Variants in SPOCK1 observed in about 807,000 individuals in gnomAD.
SPOCK1 encodes testican-1.
Under a neutral mutation model 55.3 loss-of-function variants are expected in SPOCK1, and 23 were observed. The ratio of observed to expected loss-of-function variants is 0.42; its 90% CI spans 0.30 to 0.59. The LOEUF (loss-of-function observed/expected upper bound fraction) is 0.59. Among genes scored for constraint, SPOCK1 ranks in the 20% least tolerant of loss-of-function variants. The probability of loss-of-function intolerance (pLI) is 0.22; values close to 1 mark genes in which losing one functional copy is unlikely to be tolerated. For missense variants in SPOCK1, 499 were observed against 552.5 expected (o/e 0.90, Z 0.97); for synonymous variants, 226 against 221.0 (o/e 1.02, Z -0.20).
chr5:137,026,688 A>G (rs1030399039), intron 6 of SPOCK1, among the ~76,000 whole-genome samples: 1 of 152,178 alleles, frequency 6.6e-6, no homozygotes, highest in Non-Finnish European at 1.5e-5. Flanking sequence ...TAAAATACAG[A>G]ACCGGCTTCA....
At chr5:137,391,171 G>A (rs1751714719) in intron 2 of SPOCK1, among the ~76,000 whole-genome samples, 1 of 152,080 alleles carries the variant, frequency 6.6e-6, no homozygotes, top group Non-Finnish European at 1.5e-5. Flanking sequence ...TTGTTCCTGT[G>A]TTAGTTTGCT....
At chr5:137,129,435 G>A (rs1378264635) in intron 4 of SPOCK1, among the ~76,000 whole-genome samples, 1 of 152,196 alleles carries the variant, frequency 6.6e-6, no homozygotes, top group East Asian at 1.9e-4. Flanking sequence ...CTAGCCAAGT[G>A]GTCAGACAGG....
chr5:137,049,286 C>T (rs962559569), intron 6 of SPOCK1, among the ~76,000 whole-genome samples: 3 of 126,300 alleles, frequency 2.4e-5, no homozygotes, highest in Admixed American at 1.7e-4. Context: ...ACCAGTCAGA[C>T]GTAGATTTGG....
intron 6 of SPOCK1, among the ~76,000 whole-genome samples, chr5:137,063,218 C>T (rs1189834019): frequency 3.0e-5 from 4 of 134,624 alleles, no homozygotes; most frequent in African/African-American, 5.6e-5. Context: ...CCGGCCTGGG[C>T]GACAGAGCGA....
At chr5:137,119,845 C>A (rs1389283532) in intron 4 of SPOCK1, among the ~76,000 whole-genome samples, 1 of 152,208 alleles carries the variant, frequency 6.6e-6, no homozygotes, top group Non-Finnish European at 1.5e-5. Context: ...TTACTACTAC[C>A]CATAATAGCT....
At chr5:137,420,420 T>G (rs1008650570) in intron 2 of SPOCK1, among the ~76,000 whole-genome samples, 15 of 152,202 alleles carry the variant, frequency 9.9e-5, no homozygotes, top group South Asian at 4.1e-4. Context: ...TGAATCCATC[T>G]GGTCCTGGAC....
chr5:137,264,804 C>T (rs1339000791), intron 3 of SPOCK1, among the ~76,000 whole-genome samples: 1 of 152,102 alleles, frequency 6.6e-6, no homozygotes, highest in African/African-American at 2.4e-5. Context: ...TTTTATTGAG[C>T]CGCACACAAT....
At chr5:137,326,926 C>G (rs975701674) in intron 2 of SPOCK1, among the ~76,000 whole-genome samples, 11 of 152,194 alleles carry the variant, frequency 7.2e-5, no homozygotes, top group Admixed American at 5.9e-4. Context: ...TTGATACATA[C>G]TGTACTAAAC....
chr5:137,321,392 T>C (rs569176697), intron 2 of SPOCK1, among the ~76,000 whole-genome samples: 28 of 152,094 alleles, frequency 1.8e-4, no homozygotes, highest in East Asian at 5.8e-4. Flanking sequence ...AATCAGAACA[T>C]ACCCAAAAAA....
At chr5:137,147,357 C>T (rs934162697) in intron 3 of SPOCK1, among the ~76,000 whole-genome samples, 1 of 152,192 alleles carries the variant, frequency 6.6e-6, no homozygotes, top group Non-Finnish European at 1.5e-5. Context: ...AATTATAACA[C>T]TTTGAATGTC....
chr5:137,169,077 T>C (rs1192986167), intron 3 of SPOCK1, among the ~76,000 whole-genome samples: 1 of 152,098 alleles, frequency 6.6e-6, no homozygotes, highest in Non-Finnish European at 1.5e-5. Context: ...TTAAGGGAAG[T>C]GGCTGGGCAC....
At chr5:137,129,855 A>C (rs1006158442) in intron 4 of SPOCK1, among the ~76,000 whole-genome samples, 1 of 152,172 alleles carries the variant, frequency 6.6e-6, no homozygotes, top group Non-Finnish European at 1.5e-5. Flanking sequence ...GTTTAGCTAC[A>C]CCTACATTTT....
intron 2 of SPOCK1, among the ~76,000 whole-genome samples, chr5:137,361,449 G>A (rs1007314553): frequency 2.0e-5 from 3 of 152,180 alleles, no homozygotes; most frequent in Non-Finnish European, 4.4e-5. Context: ...TTGAGTGAGT[G>A]GATGCATGGG....
intron 2 of SPOCK1, among the ~76,000 whole-genome samples, chr5:137,322,411 T>C (rs995757275): frequency 8.6e-5 from 13 of 150,876 alleles, no homozygotes; most frequent in Non-Finnish European, 1.5e-4. Flanking sequence ...ATACAGAATA[T>C]TGTAATACTC....
intron 2 of SPOCK1, among the ~76,000 whole-genome samples, chr5:137,495,457 C>A (rs1754278717): frequency 6.6e-6 from 1 of 152,240 alleles, no homozygotes. Context: ...ATCTGAATCT[C>A]TCCCCCAAGT....
At chr5:137,207,168 C>T (rs1382081447) in intron 3 of SPOCK1, among the ~76,000 whole-genome samples, 4 of 152,220 alleles carry the variant, frequency 2.6e-5, no homozygotes, top group Non-Finnish European at 4.4e-5. Flanking sequence ...GTACAGAACC[C>T]CGAGCAGCCT....
At chr5:136,992,463 T>G in intron 7 of SPOCK1, 21 bp downstream of exon 7, 322 of 1,557,670 alleles carry the variant, frequency 2.1e-4, no homozygotes, top group Non-Finnish European at 2.5e-4. Flanking sequence ...TGAGGAAATG[T>G]GATATTTAAA....
intron 3 of SPOCK1, among the ~76,000 whole-genome samples, chr5:137,193,235 G>A (rs1298557995): frequency 6.6e-6 from 1 of 152,156 alleles, no homozygotes; most frequent in Non-Finnish European, 1.5e-5. Context: ...AGAGGAAGGG[G>A]TAGACCAATT....
At chr5:137,438,957 A>T (rs1333125484) in intron 2 of SPOCK1, among the ~76,000 whole-genome samples, 1 of 152,256 alleles carries the variant, frequency 6.6e-6, no homozygotes, top group Admixed American at 6.5e-5. Context: ...CACGTGACTT[A>T]AGAGGGTGCA....
Sources: gnomAD v4.1 joint callset for allele counts (sites outside exome capture counted in the v4.1 genomes callset) on GRCh38, gnomAD v4.1.1 for gene constraint, MANE v1.5 for transcripts, NCBI Gene and HGNC (gene_info 2026-07-23, HGNC 2026-07-21) for gene names.